PDE3A: variants seen among roughly 807,000 people sequenced by gnomAD.
PDE3A encodes the protein cGMP-inhibited 3',5'-cyclic phosphodiesterase 3A.
PDE3A carries 43 observed loss-of-function variants against 98.3 expected under a neutral mutation model. The ratio of observed to expected loss-of-function variants is 0.44; its 90% confidence interval spans 0.34 to 0.56. The LOEUF is 0.56. Ranked by LOEUF, PDE3A falls within the 20% of genes least tolerant of loss-of-function variation. The pLI is 0.01. For missense variants in PDE3A, 1,427 were observed against 1,440.7 expected (o/e 0.99, Z 0.15); for synonymous variants, 663 against 567.9 (o/e 1.17, Z -2.38).
At chr12:20,470,689 A>C (rs939253765) in intron 1 of PDE3A, among the ~76,000 whole-genome samples, 3 of 152,168 alleles carry the variant, frequency 2.0e-5, no homozygotes, top group Non-Finnish European at 1.5e-5. Flanking sequence ...GGAATTATGA[A>C]TCTGTATGCA....
At chr12:20,625,600 A>G (rs1365868436) in intron 5 of PDE3A, among the ~76,000 whole-genome samples, 1 of 152,234 alleles carries the variant, frequency 6.6e-6, no homozygotes, top group Non-Finnish European at 1.5e-5. Flanking sequence ...TGTCTTTATC[A>G]GACAAGCTGG....
intron 1 of PDE3A, among the ~76,000 whole-genome samples, chr12:20,378,475 CAG>C (rs898918321): frequency 2.6e-5 from 4 of 151,492 alleles, no homozygotes; most frequent in African/African-American, 7.3e-5. Context: ...GTGATTGGGA[CAG>C]GGTATATTAC....
At chr12:20,559,330 C>T (rs1942453106) in intron 2 of PDE3A, among the ~76,000 whole-genome samples, 1 of 151,714 alleles carries the variant, frequency 6.6e-6, no homozygotes. Flanking sequence ...TATGATGTTC[C>T]CACAACAAAA....
intron 2 of PDE3A, among the ~76,000 whole-genome samples, chr12:20,578,474 TACACACAC>T (rs5796870): frequency 0.13 from 18,625 of 148,420 alleles, 1,247 homozygotes; most frequent in East Asian, 0.25. Flanking sequence ...ATACAACTAA[TACACACAC>T]ACACACACAC....
intron 1 of PDE3A, among the ~76,000 whole-genome samples, chr12:20,420,332 G>A (rs1044513816): frequency 1.3e-5 from 2 of 152,190 alleles, no homozygotes; most frequent in Non-Finnish European, 2.9e-5. Context: ...CGATCTCCAC[G>A]CTCTAAACTC....
At chr12:20,392,277 A>G (rs578234489) in intron 1 of PDE3A, among the ~76,000 whole-genome samples, 125 of 151,990 alleles carry the variant, frequency 8.2e-4, no homozygotes, top group Non-Finnish European at 7.2e-4. Context: ...TGATTTATGT[A>G]TAGCTAGAAC....
chr12:20,387,925 C>G (rs1258066259), intron 1 of PDE3A, among the ~76,000 whole-genome samples: 1 of 151,994 alleles, frequency 6.6e-6, no homozygotes, highest in South Asian at 2.1e-4. Context: ...GGAAACTTGT[C>G]AAGATGTTCA....
intron 1 of PDE3A, among the ~76,000 whole-genome samples, chr12:20,521,780 GA>G (rs1946433072): frequency 6.6e-6 from 1 of 152,122 alleles, no homozygotes; most frequent in Non-Finnish European, 1.5e-5. Context: ...GCCAACAAAG[GA>G]GACATGGAGT....
intron 4 of PDE3A, among the ~76,000 whole-genome samples, chr12:20,617,683 G>T (rs1944038069): frequency 6.6e-6 from 1 of 152,098 alleles, no homozygotes; most frequent in African/African-American, 2.4e-5. Context: ...AGTGCAACTT[G>T]CTAAGTTTCC....
chr12:20,465,782 T>C lies in PDE3A; in HGVS notation c.961-90878T>C, dbSNP rs970042284. Among the ~76,000 whole-genome samples, 9 of 152,320 alleles carry C rather than the reference T, an allele frequency of 5.9e-5. No homozygotes were observed. In the South Asian group the frequency reaches 1.7e-3, roughly 28 times the overall value. ...TAGGAAATATAAAAGTTGAAAGTCC[T>C]GGAGATGGATGAAATAGGGAAAGAA... On this transcript the variant is annotated intron_variant, in intron 1 of 15. Coordinates refer to ENST00000359062, the MANE Select transcript of PDE3A (RefSeq NM_000921.5).
chr12:20,428,320 C>T (rs1345625374), intron 1 of PDE3A, among the ~76,000 whole-genome samples: 1 of 152,152 alleles, frequency 6.6e-6, no homozygotes, highest in Non-Finnish European at 1.5e-5. Context: ...CGCTCTGTCG[C>T]CCAGGCTGGA....
At chr12:20,483,827 C>A (rs1305134087) in intron 1 of PDE3A, among the ~76,000 whole-genome samples, 1 of 152,112 alleles carries the variant, frequency 6.6e-6, no homozygotes, top group Non-Finnish European at 1.5e-5. Flanking sequence ...CTTCTCATAG[C>A]CTTTTATCTT....
chr12:20,588,704 A>T (rs189010931), intron 2 of PDE3A, among the ~76,000 whole-genome samples: 1,610 of 152,210 alleles, frequency 0.011, 21 homozygotes, highest in African/African-American at 0.025. Flanking sequence ...TATGGGGGAA[A>T]AGTGGACCTT....
At chr12:20,630,750 A>G (rs1451369168) in intron 6 of PDE3A, among the ~76,000 whole-genome samples, 1 of 152,202 alleles carries the variant, frequency 6.6e-6, no homozygotes, top group Non-Finnish European at 1.5e-5. Flanking sequence ...CGAAGAAATA[A>G]TTATCTCTTC....
intron 1 of PDE3A, among the ~76,000 whole-genome samples, chr12:20,468,957 T>C (rs1654998946): frequency 6.6e-6 from 1 of 152,206 alleles, no homozygotes; most frequent in Non-Finnish European, 1.5e-5. Flanking sequence ...AAGTGTATCA[T>C]TAATGTGGTC....
At chr12:20,625,841 T>G (rs992968744) in intron 5 of PDE3A, among the ~76,000 whole-genome samples, 3 of 152,180 alleles carry the variant, frequency 2.0e-5, no homozygotes, top group African/African-American at 7.2e-5. Flanking sequence ...ATTTTTAATT[T>G]TTTGTTTTTA....
Position 20,552,178 on chromosome 12 carries a change from A to C in PDE3A, c.961-4482A>C. The stretch of plus-strand genomic sequence containing the variant: ...GGCTCTCAACTGCTTTGCTCCCATC[A>C]ATGACCAAGAAGGGGCCGAGGCCAA... On this transcript the variant is annotated intron_variant, in intron 1 of 15. Coordinates refer to ENST00000359062, the MANE Select transcript of PDE3A (RefSeq NM_000921.5). This position sits in a 1 kb window ranked among gnomAD's most constrained non-coding sequence, Gnocchi z 5.1. 2.5e-6 allele frequency: 4 copies of C among 1,613,806 alleles called. No homozygotes were observed. The highest frequency in any genetic ancestry group is 2.2e-5 in the East Asian group (1 of 44,878).
At chr12:20,440,958 T>A (rs1944861279) in intron 1 of PDE3A, among the ~76,000 whole-genome samples, 1 of 152,170 alleles carries the variant, frequency 6.6e-6, no homozygotes, top group Non-Finnish European at 1.5e-5. Context: ...AAATTGTTTC[T>A]GACACATGAA....
intron 1 of PDE3A, among the ~76,000 whole-genome samples, chr12:20,386,072 A>AT (rs1555140917): frequency 4.5e-5 from 2 of 44,894 alleles, no homozygotes; most frequent in African/African-American, 8.4e-5. Context: ...ATATATATAA[A>AT]ATATATATAA....
Sources: gnomAD v4.1 joint callset for allele counts (sites outside exome capture counted in the v4.1 genomes callset) on GRCh38, gnomAD v4.1.1 for gene constraint, Gnocchi (gnomAD v3.1) non-coding constraint, MANE v1.5 for transcripts, NCBI Gene and HGNC (gene_info 2026-07-23, HGNC 2026-07-21) for gene names.